The following MACROD2 variants were observed in gnomAD, a reference collection of about 807,000 sequenced individuals.
MACROD2 encodes the protein ADP-ribose glycohydrolase MACROD2.
Under a neutral mutation model 70.4 loss-of-function variants are expected in MACROD2, and 36 were observed. The ratio of observed to expected loss-of-function variants is 0.51; its 90% CI spans 0.39 to 0.68. The LOEUF is 0.68. Ranked by LOEUF, MACROD2 falls within the 30% of genes least tolerant of loss-of-function variation. MACROD2 has a pLI of 0.00. For synonymous variants in MACROD2, 172 were observed against 178.8 expected, an observed-to-expected ratio of 0.96 and a Z score of 0.30; for missense variants, 496 against 538.4, an observed-to-expected ratio of 0.92 and a Z score of 0.78.
At chr20:14,756,174 C>G (rs540711082) in intron 5 of MACROD2, among the ~76,000 whole-genome samples, 1 of 152,044 alleles carries the variant, frequency 6.6e-6, no homozygotes, top group Non-Finnish European at 1.5e-5. Context: ...TACTAAACTC[C>G]GTGGCTTCCA....
intron 9 of MACROD2, among the ~76,000 whole-genome samples, chr20:15,877,713 A>G (rs2064695486): frequency 6.6e-6 from 1 of 152,142 alleles, no homozygotes; most frequent in Non-Finnish European, 1.5e-5. Context: ...TGCTAATAAT[A>G]TTTCTTTTTT....
chr20:15,158,270 A>G (rs1183187474), intron 5 of MACROD2, among the ~76,000 whole-genome samples: 1 of 152,188 alleles, frequency 6.6e-6, no homozygotes, highest in African/African-American at 2.4e-5. Flanking sequence ...GTTAAAAGTA[A>G]TTCAAATGAT....
chr20:14,035,156 A>G (rs563624906), intron 2 of MACROD2, among the ~76,000 whole-genome samples: 8 of 152,186 alleles, frequency 5.3e-5, no homozygotes, highest in Non-Finnish European at 1.0e-4. Flanking sequence ...GTAGATGATA[A>G]AAGCTTCTGC....
At chr20:15,907,588 C>CT (rs1315413333) in intron 10 of MACROD2, among the ~76,000 whole-genome samples, 1 of 152,116 alleles carries the variant, frequency 6.6e-6, no homozygotes, top group Non-Finnish European at 1.5e-5. Flanking sequence ...GTTTATGCAC[C>CT]TTTTTTTGTT....
chr20:15,967,902 GC>G (rs1407389771), intron 13 of MACROD2, among the ~76,000 whole-genome samples: 1 of 151,966 alleles, frequency 6.6e-6, no homozygotes, highest in Non-Finnish European at 1.5e-5. Flanking sequence ...CACTGGGTTT[GC>G]AAACACTGAG....
At chr20:14,175,149 C>T (rs772305016) in intron 3 of MACROD2, among the ~76,000 whole-genome samples, 1 of 152,212 alleles carries the variant, frequency 6.6e-6, no homozygotes, top group African/African-American at 2.4e-5. Context: ...TAATGTGAAT[C>T]TCCACATGCT....
At chr20:14,828,781 C>A (rs1310214334) in intron 5 of MACROD2, among the ~76,000 whole-genome samples, 1 of 151,890 alleles carries the variant, frequency 6.6e-6, no homozygotes, top group East Asian at 1.9e-4. Flanking sequence ...TAACTATTAA[C>A]CATTGCATTT....
At chr20:14,767,504 A>G (rs988521069) in intron 5 of MACROD2, among the ~76,000 whole-genome samples, 8 of 151,958 alleles carry the variant, frequency 5.3e-5, no homozygotes, top group Non-Finnish European at 1.0e-4. Flanking sequence ...GACAATACAT[A>G]TATAAACAGA....
chr20:14,405,650 A>G (rs1366583539), intron 3 of MACROD2, among the ~76,000 whole-genome samples: 2 of 152,190 alleles, frequency 1.3e-5, no homozygotes, highest in Non-Finnish European at 2.9e-5. Flanking sequence ...AATGTGCAGA[A>G]AGCTGGGACT....
At chr20:14,867,388 T>A (rs2030903034) in intron 5 of MACROD2, among the ~76,000 whole-genome samples, 2 of 152,130 alleles carry the variant, frequency 1.3e-5, no homozygotes, top group African/African-American at 4.8e-5. Flanking sequence ...CCAGGTGACA[T>A]TCTCTTTGAA....
intron 5 of MACROD2, among the ~76,000 whole-genome samples, chr20:14,735,679 C>T (rs952041712): frequency 1.3e-5 from 2 of 151,886 alleles, no homozygotes; most frequent in Non-Finnish European, 2.9e-5. Context: ...AAAACCGTGT[C>T]TCTATTTTAA....
chr20:14,295,701 T>C (rs2082421360), intron 3 of MACROD2, among the ~76,000 whole-genome samples: 1 of 151,924 alleles, frequency 6.6e-6, no homozygotes, highest in Admixed American at 6.6e-5. Context: ...TTCTAGATGT[T>C]GTGGATGCAG....
chr20:15,686,117 T>G (rs1022234607), intron 8 of MACROD2, among the ~76,000 whole-genome samples: 1 of 152,178 alleles, frequency 6.6e-6, no homozygotes, highest in African/African-American at 2.4e-5. Flanking sequence ...GACAATGAGA[T>G]GATTGATGGA....
At chr20:14,459,800 C>T (rs2084346781) in intron 3 of MACROD2, among the ~76,000 whole-genome samples, 1 of 152,054 alleles carries the variant, frequency 6.6e-6, no homozygotes, top group African/African-American at 2.4e-5. Flanking sequence ...TAGGTATCCA[C>T]ATGCCATGGT....
chr20:14,940,947 T>C (rs1315907585), intron 5 of MACROD2, among the ~76,000 whole-genome samples: 1 of 152,196 alleles, frequency 6.6e-6, no homozygotes. Flanking sequence ...TTTAATTTTT[T>C]TGAAGAATTT....
intron 5 of MACROD2, among the ~76,000 whole-genome samples, chr20:15,185,432 G>A (rs2145907438): frequency 6.6e-6 from 1 of 152,220 alleles, no homozygotes; most frequent in East Asian, 1.9e-4. Context: ...AGTTTCCTGA[G>A]TGTGTAACAA....
intron 5 of MACROD2, among the ~76,000 whole-genome samples, chr20:14,714,698 C>A: frequency 6.6e-6 from 1 of 152,038 alleles, no homozygotes; most frequent in Non-Finnish European, 1.5e-5. Context: ...CTCTTCTTTC[C>A]CCTCATTGTC....
chr20:15,212,150 T>A (rs890681148), intron 5 of MACROD2, among the ~76,000 whole-genome samples: 1 of 152,216 alleles, frequency 6.6e-6, no homozygotes, highest in Non-Finnish European at 1.5e-5. Flanking sequence ...CATTTGTGTA[T>A]CTTCTTTACA....
At chr20:14,241,197 G>A (rs2081926358) in intron 3 of MACROD2, among the ~76,000 whole-genome samples, 1 of 152,180 alleles carries the variant, frequency 6.6e-6, no homozygotes, top group Non-Finnish European at 1.5e-5. Flanking sequence ...TTGGAGCTTA[G>A]TATATTAATA....
Sources: allele counts gnomAD v4.1 joint callset (sites outside exome capture counted in the v4.1 genomes callset), GRCh38; gene constraint gnomAD v4.1.1; transcripts MANE v1.5; gene names NCBI Gene and HGNC (gene_info 2026-07-23, HGNC 2026-07-21).